The following VTA1 variants were observed in gnomAD, a reference collection of about 807,000 sequenced individuals.
VTA1 encodes vesicle trafficking 1.
Under a neutral mutation model 36.9 loss-of-function variants are expected in VTA1, and 24 were observed. The ratio of observed to expected loss-of-function variants is 0.65; its 90% CI spans 0.47 to 0.91. The LOEUF is 0.91. Among genes scored for constraint, VTA1 ranks in the 40% least tolerant of loss-of-function variants. VTA1 has a pLI of 0.00. For missense variants in VTA1, 393 were observed against 377.2 expected, an observed-to-expected ratio of 1.04 and a Z score of -0.35; for synonymous variants, 142 against 130.2, an observed-to-expected ratio of 1.09 and a Z score of -0.62.
chr6:142,197,286 C>G (rs1222940018), intron 5 of VTA1, among the ~76,000 whole-genome samples: 1 of 152,102 alleles, frequency 6.6e-6, no homozygotes, highest in African/African-American at 2.4e-5. Flanking sequence ...GTAAATTTAA[C>G]TTTTTTTCTT....
chr6:142,191,571 G>C (rs1775457084), intron 5 of VTA1, among the ~76,000 whole-genome samples: 1 of 151,976 alleles, frequency 6.6e-6, no homozygotes, highest in African/African-American at 2.4e-5. Flanking sequence ...TGTCATTTCT[G>C]TTATTTATTT....
At chr6:142,174,008 G>T (rs748484617) in intron 4 of VTA1, among the ~76,000 whole-genome samples, 1 of 152,126 alleles carries the variant, frequency 6.6e-6, no homozygotes, top group African/African-American at 2.4e-5. Flanking sequence ...ATAAAGTAGC[G>T]TCTTTGTTGG....
At chr6:142,160,479 G>A (rs1467149975) in intron 1 of VTA1, among the ~76,000 whole-genome samples, 1 of 152,060 alleles carries the variant, frequency 6.6e-6, no homozygotes, top group African/African-American at 2.4e-5. Context: ...TTCCTGCATA[G>A]CTCCCTTTTC....
intron 1 of VTA1, among the ~76,000 whole-genome samples, chr6:142,162,059 AAG>A (rs1474454143): frequency 1.3e-5 from 2 of 152,210 alleles, no homozygotes; most frequent in Non-Finnish European, 2.9e-5. Context: ...CACACAAACT[AAG>A]AAAAAAATGA....
chr6:142,202,033 T>A (rs377406410), intron 6 of VTA1, among the ~76,000 whole-genome samples: 2 of 151,914 alleles, frequency 1.3e-5, no homozygotes, highest in African/African-American at 4.8e-5. Flanking sequence ...TATAGTAGAT[T>A]TACCTTGTTT....
rs1776130463 is a variant in VTA1 at position 142,222,535 on chromosome 6, T to C, written c.*3892T>C. 6.7e-6 allele frequency: 1 copy of C among 150,262 alleles called. No homozygotes were observed. Among genetic ancestry groups the C allele is most frequent in the Admixed American group, 6.7e-5 (1 of 15,004 alleles). The allele number at this position is 150,262 out of a possible 1,614,324, so 9.3% of individuals were successfully genotyped here. A position where few individuals can be genotyped will look rare whatever the true frequency, so the allele number is the denominator to read the frequency against. ...TATATGACTTGTAATTCTAGAAATT[T>C]GAGAATTCTATGTATGCATTGAAAG... On this transcript the variant is annotated 3_prime_UTR_variant, in exon 8 of 8. Coordinates refer to ENST00000367630, the MANE Select transcript of VTA1 (RefSeq NM_016485.5).
At chr6:142,185,556 T>C (rs1775323631) in intron 4 of VTA1, among the ~76,000 whole-genome samples, 1 of 152,202 alleles carries the variant, frequency 6.6e-6, no homozygotes, top group Admixed American at 6.5e-5. Flanking sequence ...CTGATACTAA[T>C]CCAGCATTTG....
chr6:142,167,380 T>TA (rs1158524353), intron 2 of VTA1, among the ~76,000 whole-genome samples: 1 of 152,212 alleles, frequency 6.6e-6, no homozygotes, highest in Non-Finnish European at 1.5e-5. Flanking sequence ...CCAAGACTGT[T>TA]ACATTAATAG....
intron 4 of VTA1, among the ~76,000 whole-genome samples, chr6:142,170,842 G>A (rs1260885250): frequency 1.3e-5 from 2 of 151,922 alleles, no homozygotes; most frequent in Admixed American, 6.6e-5. Flanking sequence ...CCAAGCTGGT[G>A]TCGAACTCTT....
At chr6:142,210,772 A>G (rs1041303722) in intron 7 of VTA1, among the ~76,000 whole-genome samples, 7 of 152,198 alleles carry the variant, frequency 4.6e-5, no homozygotes, top group African/African-American at 1.7e-4. Flanking sequence ...TCAAATAACT[A>G]AAAATAGAAG....
intron 1 of VTA1, among the ~76,000 whole-genome samples, chr6:142,151,841 C>T (rs900250245): frequency 1.3e-5 from 2 of 152,116 alleles, no homozygotes; most frequent in African/African-American, 2.4e-5. Context: ...CAAGATCAGC[C>T]TGGCCAATAT....
rs767263779 is a variant in VTA1, at chr6:142,147,311, C to G, written c.24C>G (p.Pro8=). ...AGATGGCCGCGCTTGCACCGCTGCCCCCGCTCCCCGCACAGTTCAAGAGCA... is the reference window on the plus strand; with the variant it reads ...AGATGGCCGCGCTTGCACCGCTGCCGCCGCTCCCCGCACAGTTCAAGAGCA... MAALAPL[P]PLPAQFKSIQ... is the part of the protein sequence containing the mutation. Residue 8 remains proline, a synonymous_variant, in exon 1 of 8, where the codon CCC becomes CCG. Transcript: ENST00000367630. 14 of 1,614,050 alleles carry G rather than the reference C, an allele frequency of 8.7e-6. No individual in the cohort carries two copies. The highest frequency in any genetic ancestry group is 2.7e-5 in the African/African-American group (2 of 74,918).
At chr6:142,167,260 A>G (rs558861486) in intron 2 of VTA1, among the ~76,000 whole-genome samples, 3 of 152,270 alleles carry the variant, frequency 2.0e-5, no homozygotes, top group African/African-American at 7.2e-5. Flanking sequence ...GGCAGTGCCA[A>G]CCTTAGTAGT....
At chr6:142,179,934 A>G (rs1335311180) in intron 4 of VTA1, among the ~76,000 whole-genome samples, 1 of 152,176 alleles carries the variant, frequency 6.6e-6, no homozygotes, top group East Asian at 1.9e-4. Flanking sequence ...ATTTAGTTAC[A>G]ATGTGGAATG....
At chr6:142,217,340 T>C (rs1182266687) in intron 7 of VTA1, among the ~76,000 whole-genome samples, 1 of 152,140 alleles carries the variant, frequency 6.6e-6, no homozygotes, top group Non-Finnish European at 1.5e-5. Flanking sequence ...AATACAGCTT[T>C]TTCATATTCA....
chr6:142,224,618 T>C lies in VTA1; in HGVS notation c.*5975T>C, dbSNP rs994319323. 4 of 152,130 alleles carry C rather than the reference T, an allele frequency of 2.6e-5. No homozygotes were observed. Among genetic ancestry groups the C allele is most frequent in the Non-Finnish European group, 4.4e-5 (3 of 68,034 alleles). 9.4% of individuals were successfully genotyped at this position (152,130 alleles called of 1,614,324 possible). A position where few individuals can be genotyped will look rare whatever the true frequency, so the allele number is the denominator to read the frequency against. On this transcript the variant is annotated 3_prime_UTR_variant, in exon 8 of 8. Transcript: ENST00000367630. Reference sequence around the variant, plus strand: ...ATGCATTGTAAGTATTCTGACCTGGTGAAATAAATATACGAATGGGCAAAA... The same window carrying C: ...ATGCATTGTAAGTATTCTGACCTGGCGAAATAAATATACGAATGGGCAAAA...
intron 1 of VTA1, among the ~76,000 whole-genome samples, chr6:142,152,725 CCTT>C (rs545288756): frequency 3.5e-4 from 53 of 152,110 alleles, no homozygotes; most frequent in African/African-American, 1.2e-3. Context: ...ACCTGTTTAA[CCTT>C]CTCATGAAAA....
intron 1 of VTA1, among the ~76,000 whole-genome samples, chr6:142,149,843 C>T (rs1316159818): frequency 6.6e-6 from 1 of 151,978 alleles, no homozygotes; most frequent in Admixed American, 6.6e-5. Flanking sequence ...GGAAAATTTT[C>T]TCTACTATTA....
intron 6 of VTA1, among the ~76,000 whole-genome samples, chr6:142,201,011 C>G (rs1182852158): frequency 6.6e-6 from 1 of 151,868 alleles, no homozygotes; most frequent in African/African-American, 2.4e-5. Context: ...AATGACAGAA[C>G]CAGGATTTGA....
Sources: allele counts gnomAD v4.1 joint callset (sites outside exome capture counted in the v4.1 genomes callset), GRCh38; gene constraint gnomAD v4.1.1; transcripts MANE v1.5; gene names NCBI Gene and HGNC (gene_info 2026-07-23, HGNC 2026-07-21).